The following ADCY9 variants were observed in gnomAD, a reference collection of about 807,000 sequenced individuals.
The protein encoded by ADCY9 is adenylate cyclase 9, also known as adenylate cyclase type 9.
In ADCY9, 50 loss-of-function variants were observed where a neutral mutation model predicts 101.5. That is an observed-to-expected ratio of 0.49 (90% confidence interval 0.39 to 0.62). The LOEUF (loss-of-function observed/expected upper bound fraction) is 0.62. Ranked by LOEUF, ADCY9 falls within the 20% of genes least tolerant of loss-of-function variation. The probability of loss-of-function intolerance (pLI) is 0.00; values close to 1 mark genes in which losing one functional copy is unlikely to be tolerated. For synonymous variants in ADCY9, 905 were observed against 769.3 expected (o/e 1.18, Z -2.92); for missense variants, 1,662 against 1,800.4 (o/e 0.92, Z 1.39).
At chr16:4,030,745 G>A (rs1314695722) in intron 2 of ADCY9, among the ~76,000 whole-genome samples, 2 of 151,946 alleles carry the variant, frequency 1.3e-5, no homozygotes, top group African/African-American at 2.4e-5. Flanking sequence ...CCATTTGTAC[G>A]AAATTCAAAC....
At chr16:3,973,240 ACT>A (rs779310860) in intron 10 of ADCY9, among the ~76,000 whole-genome samples, 2 of 151,876 alleles carry the variant, frequency 1.3e-5, no homozygotes, top group African/African-American at 2.4e-5. Flanking sequence ...ACAGAGTCTC[ACT>A]CTGTCGCCCA....
In ADCY9 at chr16:3,965,382, G is replaced by GT; in HGVS notation, c.*392dup. On this transcript the variant is annotated 3_prime_UTR_variant, in exon 11 of 11. Transcript: ENST00000294016. ...GGTATTAGCCAGAGAACCGAAAATA[G>GT]TGTCTCGTGGGACGTGGGAAAAAGC... 4.3e-6 allele frequency: 1 copy of GT among 231,268 alleles called. No individual in the cohort carries two copies. Among genetic ancestry groups the GT allele is most frequent in the Non-Finnish European group, 8.5e-6 (1 of 118,072 alleles). 14.3% of individuals were successfully genotyped at this position (231,268 alleles called of 1,614,324 possible). A position where few individuals can be genotyped will look rare whatever the true frequency, so the allele number is the denominator to read the frequency against.
chr16:4,078,578 AAC>A (rs1370837747), intron 2 of ADCY9, among the ~76,000 whole-genome samples: 4,737 of 103,088 alleles, frequency 0.046, 254 homozygotes, highest in African/African-American at 0.11. Flanking sequence ...AAAAAAAGAA[AAC>A]AAAAACATAA....
intron 2 of ADCY9, among the ~76,000 whole-genome samples, chr16:4,112,067 C>T (rs2095956099): frequency 6.6e-6 from 1 of 152,112 alleles, no homozygotes; most frequent in South Asian, 2.1e-4. Context: ...TTTAATTTAA[C>T]GTACTGCCGC....
At chr16:4,069,100 T>C (rs906889944) in intron 2 of ADCY9, among the ~76,000 whole-genome samples, 1 of 152,196 alleles carries the variant, frequency 6.6e-6, no homozygotes, top group Admixed American at 6.5e-5. Context: ...TCTGAAGATA[T>C]GCAAAATGTC....
intron 2 of ADCY9, among the ~76,000 whole-genome samples, chr16:4,073,976 CTTAAA>C (rs1252204021): frequency 2.0e-5 from 3 of 152,112 alleles, no homozygotes; most frequent in Non-Finnish European, 4.4e-5. Context: ...ATTTAAATTA[CTTAAA>C]TTAAACTAGT....
At chr16:4,047,811 G>A (rs965645449) in intron 2 of ADCY9, among the ~76,000 whole-genome samples, 3 of 152,150 alleles carry the variant, frequency 2.0e-5, no homozygotes, top group Admixed American at 6.5e-5. Context: ...CGCCCGCCTC[G>A]GCCTCCCAAA....
At chr16:4,009,665 G>A (rs900856043) in intron 2 of ADCY9, among the ~76,000 whole-genome samples, 3 of 152,194 alleles carry the variant, frequency 2.0e-5, no homozygotes, top group Non-Finnish European at 2.9e-5. Context: ...ACTGTAACAT[G>A]TATACACTGA....
intron 2 of ADCY9, 131 bp downstream of exon 2, chr16:4,113,619 A>G (rs1234902000): frequency 2.5e-6 from 3 of 1,201,430 alleles, no homozygotes; most frequent in Non-Finnish European, 3.5e-6. Context: ...ACTGACCCTG[A>G]GATCCCCCCA....
At chr16:3,960,158 T>C (rs2055930207), downstream of ADCY9, among the ~76,000 whole-genome samples, 1 of 152,084 alleles carries the variant, frequency 6.6e-6, no homozygotes, top group South Asian at 2.1e-4. Flanking sequence ...AAAAGTCATC[T>C]CTCCTCTGGT....
intron 3 of ADCY9, among the ~76,000 whole-genome samples, chr16:3,998,670 C>A (rs1421374759): frequency 8.1e-6 from 1 of 123,444 alleles, no homozygotes; most frequent in Non-Finnish European, 1.6e-5. Context: ...GATGGTGCCA[C>A]TGCACTCCAG....
chr16:4,023,175 G>A lies in ADCY9; in HGVS notation c.1694-15617C>T, dbSNP rs757225162. ...GAAACAAGAAGTTGTTTGTTTATGG[G>A]TTCTATGGGAGCACCCGCTGCAGGC... is the stretch of plus-strand genomic sequence containing the variant. On this transcript the variant is annotated intron_variant, in intron 2 of 10. Transcript: ENST00000294016. Among the ~76,000 whole-genome samples the A allele has an allele frequency of 5.5e-4, 83 of 152,222 alleles. 1 individual carries two copies. Among genetic ancestry groups the A allele is most frequent in the Non-Finnish European group, 1.1e-3 (72 of 68,040 alleles).
intron 6 of ADCY9, 146 bp from the exon 7 acceptor site, chr16:3,983,586 C>T (rs1466840629): frequency 2.2e-5 from 15 of 674,168 alleles, no homozygotes; most frequent in African/African-American, 5.4e-5. Context: ...GGCTGTCTCC[C>T]TCTACTACCC....
chr16:4,092,664 T>C (rs1308039259), intron 2 of ADCY9, among the ~76,000 whole-genome samples: 1 of 152,154 alleles, frequency 6.6e-6, no homozygotes, highest in Admixed American at 6.5e-5. Flanking sequence ...CCCTTAATAA[T>C]ACACTAAAAA....
At chr16:3,977,387 C>A (rs541835290) in intron 9 of ADCY9, 95 bp downstream of exon 9, 3 of 1,444,858 alleles carry the variant, frequency 2.1e-6, no homozygotes, top group East Asian at 5.0e-5. Context: ...TCTATCGGGG[C>A]GTGAGAAGCA....
intron 9 of ADCY9, among the ~76,000 whole-genome samples, chr16:3,975,414 T>C (rs892959382): frequency 1.3e-5 from 2 of 152,216 alleles, no homozygotes; most frequent in Non-Finnish European, 2.9e-5. Flanking sequence ...TTTTCTTAAG[T>C]AAACTGAGGA....
chr16:4,075,844 C>A (rs942474129), intron 2 of ADCY9, among the ~76,000 whole-genome samples: 4 of 151,658 alleles, frequency 2.6e-5, no homozygotes, highest in African/African-American at 9.7e-5. Context: ...AGATACCTGG[C>A]TGAGAGTATC....
intron 2 of ADCY9, among the ~76,000 whole-genome samples, chr16:4,072,302 T>C (rs1360498201): frequency 2.0e-5 from 3 of 152,250 alleles, no homozygotes; most frequent in South Asian, 4.1e-4. Flanking sequence ...TACTCCGCCA[T>C]GTGGCTTCTG....
intron 4 of ADCY9, among the ~76,000 whole-genome samples, chr16:3,993,053 G>A (rs2056258492): frequency 1.3e-5 from 2 of 152,030 alleles, no homozygotes; most frequent in Non-Finnish European, 2.9e-5. Flanking sequence ...CTTTCTCGCC[G>A]TGAAGACCCC....
Sources: allele counts gnomAD v4.1 joint callset (sites outside exome capture counted in the v4.1 genomes callset), GRCh38; gene constraint gnomAD v4.1.1; transcripts MANE v1.5; gene names NCBI Gene and HGNC (gene_info 2026-07-23, HGNC 2026-07-21).